The following PCDHA6 variants were observed in gnomAD, a reference collection of about 807,000 sequenced individuals.
The protein encoded by PCDHA6 is protocadherin alpha 6.
A neutral mutation model predicts 60.3 loss-of-function variants in PCDHA6; 55 were observed. The ratio of observed to expected loss-of-function variants is 0.91; its 90% confidence interval spans 0.73 to 1.14. The LOEUF is 1.14. PCDHA6 is among the 50% of genes most tolerant of loss of function. The pLI, the probability that PCDHA6 is intolerant of heterozygous loss-of-function variation, is 0.00. For missense variants in PCDHA6, 1,327 were observed against 1,256.5 expected (o/e 1.06, Z -0.85); for synonymous variants, 652 against 557.9 (o/e 1.17, Z -2.38).
At chr5:140,993,470 A>T (rs1348899420) in intron 3 of PCDHA6, among the ~76,000 whole-genome samples, 10 of 115,268 alleles carry the variant, frequency 8.7e-5, no homozygotes, top group East Asian at 7.9e-4. Flanking sequence ...TCTCACACAC[A>T]CACACACACA....
chr5:140,926,819 C>T, intron 1 of PCDHA6: 1 of 1,493,950 alleles, frequency 6.7e-7, no homozygotes. Context: ...CTCGTGCTCT[C>T]CAGGAGTCCG....
chr5:140,989,686 C>T (rs534780216), intron 3 of PCDHA6, among the ~76,000 whole-genome samples: 2 of 152,254 alleles, frequency 1.3e-5, no homozygotes, highest in African/African-American at 4.8e-5. Flanking sequence ...TTCAAAGGAA[C>T]GTGAAAATTT....
chr5:140,861,480 T>G, intron 1 of PCDHA6: 1 of 490,608 alleles, frequency 2.0e-6, no homozygotes, highest in Non-Finnish European at 4.2e-6. Flanking sequence ...GAATGGCATT[T>G]TTGTGAGTTC....
At chr5:140,859,043 C>G (rs552891148) in intron 1 of PCDHA6, 1 of 150,484 alleles carries the variant, frequency 6.6e-6, no homozygotes, top group Non-Finnish European at 1.5e-5. Context: ...ACTTTAAAAA[C>G]GTTTTCCATT....
chr5:141,010,353 G>T lies in PCDHA6; in HGVS notation c.*416G>T. On this transcript the variant is annotated 3_prime_UTR_variant, in exon 4 of 4. Transcript: ENST00000529310. Reference sequence around the variant, plus strand: ...AGTTTGTGGCCACTGGGTATGTGTGGCTACCGCGGGTATGCGAGTGCCAGA... The same window carrying T: ...AGTTTGTGGCCACTGGGTATGTGTGTCTACCGCGGGTATGCGAGTGCCAGA... The T allele has an allele frequency of 6.6e-7, 1 of 1,507,486 alleles. No homozygotes were observed. Among genetic ancestry groups the T allele is most frequent in the Non-Finnish European group, 8.9e-7 (1 of 1,128,244 alleles). 93.4% of individuals were successfully genotyped at this position (1,507,486 alleles called of 1,614,324 possible).
chr5:140,866,180 T>C (rs2049194377), intron 1 of PCDHA6: 1 of 152,136 alleles, frequency 6.6e-6, no homozygotes, highest in African/African-American at 2.4e-5. Context: ...GTAAGAAAAG[T>C]CAGAAAACTG....
intron 1 of PCDHA6, chr5:140,969,364 T>C: frequency 6.2e-7 from 1 of 1,610,368 alleles, no homozygotes; most frequent in Non-Finnish European, 8.5e-7. Context: ...TTCTACAAAC[T>C]CATGCATTTG....
At chr5:140,994,759 G>C (rs1193190612) in intron 3 of PCDHA6, among the ~76,000 whole-genome samples, 3 of 152,130 alleles carry the variant, frequency 2.0e-5, no homozygotes, top group African/African-American at 7.2e-5. Flanking sequence ...ATGTGGAGAG[G>C]AAGAGAATTC....
At chr5:140,867,200 A>G (rs1239575601) in intron 1 of PCDHA6, 1 of 152,126 alleles carries the variant, frequency 6.6e-6, no homozygotes, top group African/African-American at 2.4e-5. Context: ...TCCACATTCC[A>G]TGTAACATCT....
intron 1 of PCDHA6, chr5:140,859,407 TA>T (rs1351466050): frequency 4.1e-6 from 1 of 244,528 alleles, no homozygotes; most frequent in African/African-American, 2.3e-5. Context: ...AGGGTTGGGT[TA>T]GATGATATAG....
In PCDHA6 at chr5:140,852,910, G is replaced by C. The variant is rs2150524838; in HGVS notation, c.2394+22425G>C. 404 of 797,110 alleles carry C rather than the reference G, an allele frequency of 5.1e-4. 8 individuals are homozygous for C. In the South Asian group the frequency reaches 0.02, roughly 39 times the overall value. 49.4% of individuals were successfully genotyped at this position (797,110 alleles called of 1,614,324 possible). A position where few individuals can be genotyped will look rare whatever the true frequency, so the allele number is the denominator to read the frequency against. ...ATTTTTTTTTTTGAGTCAGAGTCTCGCTCTGTTGCCCAGGCTGGAGTGCAG... is the reference window on the plus strand; with the variant it reads ...ATTTTTTTTTTTGAGTCAGAGTCTCCCTCTGTTGCCCAGGCTGGAGTGCAG... On this transcript the variant is annotated intron_variant, in intron 1 of 3. Transcript: ENST00000529310.
At position 140,853,027 on chromosome 5, in the gene PCDHA6, T is replaced by C. The variant is rs2150527386; in HGVS notation, c.2394+22542T>C. The C allele has an allele frequency of 3.8e-4, 97 of 255,546 alleles. 3 individuals are homozygous for C. Among genetic ancestry groups the C allele is most frequent in the Non-Finnish European group, 5.7e-4 (88 of 155,318 alleles). 15.8% of individuals were successfully genotyped at this position (255,546 alleles called of 1,614,324 possible). Reference sequence around the variant, plus strand: ...CCGAGTAGCTGGGACTACAGGCGCCTGCCACCATGCCCGCCTAATTTTTTT... The same window carrying C: ...CCGAGTAGCTGGGACTACAGGCGCCCGCCACCATGCCCGCCTAATTTTTTT... On this transcript the variant is annotated intron_variant, in intron 1 of 3. Coordinates refer to ENST00000529310, the MANE Select transcript of PCDHA6 (RefSeq NM_018909.4).
intron 1 of PCDHA6, chr5:140,842,364 C>T (rs1777899018): frequency 6.8e-6 from 11 of 1,607,810 alleles, no homozygotes; most frequent in East Asian, 2.2e-5. Flanking sequence ...GATAACGTCC[C>T]TGAGATAGCA....
At chr5:140,937,769 G>C (rs908179495) in intron 1 of PCDHA6, among the ~76,000 whole-genome samples, 1 of 151,776 alleles carries the variant, frequency 6.6e-6, no homozygotes, top group Non-Finnish European at 1.5e-5. Context: ...AAAATTAGTC[G>C]GGCGTGGTGG....
At chr5:140,869,650 C>G in intron 1 of PCDHA6, 1 of 1,613,504 alleles carries the variant, frequency 6.2e-7, no homozygotes, top group Non-Finnish European at 8.5e-7. Context: ...TTTAGATTCA[C>G]CAACAAATGG....
chr5:140,909,249 G>A (rs1180498257), intron 1 of PCDHA6, among the ~76,000 whole-genome samples: 1 of 152,196 alleles, frequency 6.6e-6, no homozygotes, highest in Non-Finnish European at 1.5e-5. Flanking sequence ...TATATTGCTG[G>A]CCTTGCTGAC....
At chr5:140,896,470 C>T (rs1583233416) in intron 1 of PCDHA6, among the ~76,000 whole-genome samples, 2 of 151,962 alleles carry the variant, frequency 1.3e-5, no homozygotes, top group South Asian at 4.2e-4. Context: ...TCAAGCGGTT[C>T]TCCTGCCTCA....
intron 1 of PCDHA6, among the ~76,000 whole-genome samples, chr5:140,932,460 A>G (rs1275552236): frequency 6.6e-6 from 1 of 151,902 alleles, no homozygotes; most frequent in Non-Finnish European, 1.5e-5. Flanking sequence ...TTGCCAGGGT[A>G]TATAGGAAAT....
chr5:140,952,157 T>TG (rs771517820), intron 1 of PCDHA6, among the ~76,000 whole-genome samples: 33 of 152,162 alleles, frequency 2.2e-4, no homozygotes, highest in Non-Finnish European at 4.3e-4. Flanking sequence ...TGTGGCTTTG[T>TG]GGGGTTCAGT....
Sources: gnomAD v4.1 joint callset for allele counts (sites outside exome capture counted in the v4.1 genomes callset) on GRCh38, gnomAD v4.1.1 for gene constraint, MANE v1.5 for transcripts, NCBI Gene and HGNC (gene_info 2026-07-23, HGNC 2026-07-21) for gene names.